The following ELSPBP1 variants were observed in gnomAD, a reference collection of about 807,000 sequenced individuals.
ELSPBP1 encodes the protein epididymal sperm binding protein 1, also known as epididymal sperm-binding protein 1.
Under a neutral mutation model 33.3 loss-of-function variants are expected in ELSPBP1, and 38 were observed. The ratio of observed to expected loss-of-function variants is 1.14; its 90% confidence interval spans 0.88 to 1.50. ELSPBP1 has a LOEUF of 1.50. Among genes scored for constraint, ELSPBP1 ranks in the 40% most tolerant of loss-of-function variants. The pLI is 0.00. For synonymous variants in ELSPBP1, 85 were observed against 94.1 expected (o/e 0.90, Z 0.56); for missense variants, 267 against 263.5 (o/e 1.01, Z -0.09).
At chr19:48,006,621 C>CAAAAAAAAAA (rs1190341508) in intron 1 of ELSPBP1, among the ~76,000 whole-genome samples, 11 of 20,840 alleles carry the variant, frequency 5.3e-4, no homozygotes, top group East Asian at 3.7e-3. Flanking sequence ...GACCCTGTCT[C>CAAAAAAAAAA]AAAAAAAAAA....
chr19:48,000,214 C>T (rs1395282757), intron 1 of ELSPBP1, among the ~76,000 whole-genome samples: 4 of 136,016 alleles, frequency 2.9e-5, no homozygotes, highest in African/African-American at 5.6e-5. Context: ...CCACCCCGGC[C>T]GCCCCCCAAA....
At chr19:48,005,689 T>C (rs1967010709) in intron 1 of ELSPBP1, among the ~76,000 whole-genome samples, 1 of 152,190 alleles carries the variant, frequency 6.6e-6, no homozygotes, top group South Asian at 2.1e-4. Context: ...TTATGAGTTC[T>C]TAGCACATGT....
At chr19:48,012,278 C>T (rs1967087244) in intron 2 of ELSPBP1, among the ~76,000 whole-genome samples, 1 of 150,966 alleles carries the variant, frequency 6.6e-6, no homozygotes, top group Admixed American at 6.6e-5. Flanking sequence ...GGCACACCAC[C>T]ATGCCCGGCT....
rs1351866466 is a variant in ELSPBP1, at chr19:48,022,322, T to A, written c.667T>A (p.Cys223Ser). The A allele has an allele frequency of 6.2e-7, 1 of 1,610,110 alleles. No individual in the cohort carries two copies. Among genetic ancestry groups the A allele is most frequent in the African/African-American group, 1.3e-5 (1 of 74,830 alleles). Residue 223 changes from cysteine (C) to serine (S), a missense_variant, in exon 6 of 7, where the codon TGC (cysteine) becomes AGC (serine). Physicochemically the swap from Cys to Ser is moderately radical, Grantham distance 112. Coordinates refer to ENST00000339841, the MANE Select transcript of ELSPBP1 (RefSeq NM_022142.5). ...NYDQDHTWVY[C>S] is the part of the protein sequence containing the mutation. ...CGACCAAGACCACACCTGGGTGTAT[T>A]GCTGATGCTGAGGTGAGAGCAGGGA...
intron 1 of ELSPBP1, among the ~76,000 whole-genome samples, chr19:48,006,922 G>A (rs543256783): frequency 7.2e-5 from 11 of 152,264 alleles, no homozygotes; most frequent in Non-Finnish European, 1.3e-4. Context: ...TAGCGGGAGA[G>A]CCAAGCACTG....
At chr19:48,006,938 A>G (rs1035634654) in intron 1 of ELSPBP1, among the ~76,000 whole-genome samples, 11 of 152,108 alleles carry the variant, frequency 7.2e-5, no homozygotes, top group Non-Finnish European at 5.9e-5. Flanking sequence ...CACTGTTGGG[A>G]GAGGAAAAAA....
At chr19:48,005,045 A>G (rs753422967) in intron 1 of ELSPBP1, among the ~76,000 whole-genome samples, 2 of 152,032 alleles carry the variant, frequency 1.3e-5, no homozygotes, top group Non-Finnish European at 2.9e-5. Context: ...AACAATAATA[A>G]TAGTTTAAAA....
At chr19:48,014,137 T>G in intron 2 of ELSPBP1, 34 bp from the exon 3 acceptor site, 1 of 1,605,602 alleles carries the variant, frequency 6.2e-7, no homozygotes, top group Admixed American at 1.7e-5. Context: ...ATCGTGATTC[T>G]TCCCCACTCC....
In ELSPBP1 at chr19:48,019,705, A is replaced by G. The variant is rs199677605; in HGVS notation, c.356-14A>G. The G allele has an allele frequency of 1.3e-3, 2,063 of 1,612,440 alleles. 1 individual carries two copies. Among genetic ancestry groups the G allele is most frequent in the Non-Finnish European group, 1.6e-3 (1,924 of 1,179,338 alleles). On this transcript the variant is annotated splice_polypyrimidine_tract_variant and intron_variant, in intron 4 of 6. Transcript: ENST00000339841. ...CCTCTTCTTGACCCGTAACCTTTCC[A>G]TAATCCTTTTCAGAGTATGGGGGAA...
chr19:48,008,847 C>G, intron 2 of ELSPBP1, 110 bp downstream of exon 2: 1 of 986,848 alleles, frequency 1.0e-6, no homozygotes, highest in East Asian at 2.6e-5. Context: ...GCAAAAATCT[C>G]AGAAGAAGCT....
chr19:48,013,092 A>G (rs911791189), intron 2 of ELSPBP1, among the ~76,000 whole-genome samples: 1 of 152,218 alleles, frequency 6.6e-6, no homozygotes, highest in Non-Finnish European at 1.5e-5. Flanking sequence ...CAGAAGGACT[A>G]AAAGGACCAC....
rs763724367 is a variant in ELSPBP1, at chr19:48,019,826, A to G, written c.463A>G (p.Thr155Ala). The G allele has an allele frequency of 6.2e-7, 1 of 1,612,046 alleles. No individual in the cohort carries two copies. Among genetic ancestry groups the G allele is most frequent in the South Asian group, 1.1e-5 (1 of 91,006 alleles). ...EDESNKLWCP[T>A]TENMDKDGKW... is the part of the protein sequence containing the mutation. ...TGAAAGCAACAAGCTCTGGTGCCCA[A>G]CCACAGAGAACATGGATAAGGATGG... is the stretch of plus-strand genomic sequence containing the variant. Residue 155 changes from threonine to alanine, a missense_variant, in exon 5 of 7, where the codon ACC (threonine) becomes GCC (alanine). Physicochemically the swap from Thr to Ala is moderately conservative, Grantham distance 58. Transcript: ENST00000339841.
chr19:47,998,335 C>A (rs573527959), intron 1 of ELSPBP1, among the ~76,000 whole-genome samples: 1 of 151,562 alleles, frequency 6.6e-6, no homozygotes, highest in African/African-American at 2.4e-5. Flanking sequence ...TCGCTTGAAC[C>A]GGGGGACAGA....
chr19:48,008,329 CT>C (rs2122305692), intron 1 of ELSPBP1, among the ~76,000 whole-genome samples: 1 of 152,214 alleles, frequency 6.6e-6, no homozygotes, highest in Admixed American at 6.5e-5. Flanking sequence ...ACCTCCTGGG[CT>C]CAAGTGATCC....
chr19:48,000,636 C>T lies in ELSPBP1; in HGVS notation c.-18+5825C>T, dbSNP rs924958552. On this transcript the variant is annotated intron_variant, in intron 1 of 6. Coordinates refer to ENST00000339841, the MANE Select transcript of ELSPBP1 (RefSeq NM_022142.5). ...AAGGTCACACGGATGAGCAGAAATT[C>T]GTATACAGGCTACCCTTTTCCGAAG... Among the ~76,000 whole-genome samples, 9 of 152,274 alleles carry T rather than the reference C, an allele frequency of 5.9e-5. 1 individual carries two copies. The East Asian group carries it at 1.7e-3, about 29-fold the overall frequency.
intron 2 of ELSPBP1, among the ~76,000 whole-genome samples, chr19:48,010,276 A>G (rs1397308613): frequency 1.3e-5 from 2 of 152,214 alleles, no homozygotes; most frequent in Middle Eastern, 3.2e-3. Flanking sequence ...GGAACAATGT[A>G]CTTGATGGGG....
chr19:48,022,028 G>A (rs182545538), intron 5 of ELSPBP1, 142 bp from the exon 6 acceptor site: 64 of 713,226 alleles, frequency 9.0e-5, no homozygotes, highest in African/African-American at 6.1e-4. Context: ...GATTAAATGC[G>A]CGCGATTAAA....
At chr19:47,997,085 G>A (rs559267873) in intron 1 of ELSPBP1, among the ~76,000 whole-genome samples, 16 of 152,190 alleles carry the variant, frequency 1.1e-4, no homozygotes, top group African/African-American at 3.9e-4. Flanking sequence ...CACTCTGCTA[G>A]GCACCACTGA....
chr19:48,022,502 G>A, intron 6 of ELSPBP1, 168 bp downstream of exon 6: 3 of 527,498 alleles, frequency 5.7e-6, no homozygotes, highest in Non-Finnish European at 9.4e-6. Context: ...CTGATTAGCT[G>A]AGGTTCCCAG....
Sources: gnomAD v4.1 joint callset for allele counts (sites outside exome capture counted in the v4.1 genomes callset) on GRCh38, gnomAD v4.1.1 for gene constraint, MANE v1.5 for transcripts, NCBI Gene and HGNC (gene_info 2026-07-23, HGNC 2026-07-21) for gene names.